AGBL1: variants seen among roughly 807,000 people sequenced by gnomAD.
AGBL1 encodes the protein AGBL carboxypeptidase 1.
In AGBL1, 130 loss-of-function variants were observed where a neutral mutation model predicts 118.9. The ratio of observed to expected loss-of-function variants is 1.09; its 90% CI spans 0.95 to 1.26. AGBL1 has a LOEUF of 1.26. Among genes scored for constraint, AGBL1 ranks in the 50% most tolerant of loss-of-function variants. The pLI is 0.00. For synonymous variants in AGBL1, 555 were observed against 478.9 expected, an observed-to-expected ratio of 1.16 and a Z score of -2.08; for missense variants, 1,584 against 1,298.1, an observed-to-expected ratio of 1.22 and a Z score of -3.38.
chr15:86,986,595 CAT>C (rs2141732377), intron 23 of AGBL1, among the ~76,000 whole-genome samples: 1 of 152,060 alleles, frequency 6.6e-6, no homozygotes, highest in South Asian at 2.1e-4. Context: ...GTAGAGGAGT[CAT>C]ATATCTGGTG....
intron 21 of AGBL1, among the ~76,000 whole-genome samples, chr15:86,643,143 A>G (rs1373181630): frequency 6.6e-6 from 1 of 152,198 alleles, no homozygotes; most frequent in Non-Finnish European, 1.5e-5. Flanking sequence ...TTGTTCATAA[A>G]GAGAAAGATG....
intron 22 of AGBL1, among the ~76,000 whole-genome samples, chr15:86,802,212 AT>A (rs1331225456): frequency 2.0e-5 from 3 of 151,998 alleles, no homozygotes; most frequent in Admixed American, 6.6e-5. Context: ...TTTGAATTAT[AT>A]TTTTTTAGAC....
intron 22 of AGBL1, among the ~76,000 whole-genome samples, chr15:86,904,615 T>C (rs1376058054): frequency 6.7e-6 from 1 of 148,458 alleles, no homozygotes; most frequent in African/African-American, 2.4e-5. Flanking sequence ...ATTTGTAGTA[T>C]CTATTATATT....
chr15:86,924,526 T>C (rs1213009671), intron 23 of AGBL1, among the ~76,000 whole-genome samples: 1 of 152,178 alleles, frequency 6.6e-6, no homozygotes, highest in Non-Finnish European at 1.5e-5. Context: ...ATGTGGAGGG[T>C]GCTCAGCAGG....
chr15:86,508,393 A>C (rs2142172776), intron 18 of AGBL1, among the ~76,000 whole-genome samples: 1 of 152,266 alleles, frequency 6.6e-6, no homozygotes, highest in African/African-American at 2.4e-5. Context: ...ACAAAAAAGA[A>C]GGGATTAGAA....
chr15:86,137,227 G>A (rs1030160776), intron 1 of AGBL1, among the ~76,000 whole-genome samples: 4 of 152,148 alleles, frequency 2.6e-5, no homozygotes, highest in East Asian at 1.9e-4. Context: ...CTGGCTCAGC[G>A]CTAAGTGAGG....
intron 5 of AGBL1, among the ~76,000 whole-genome samples, chr15:86,194,996 A>G (rs1353385327): frequency 5.9e-5 from 9 of 152,162 alleles, no homozygotes; most frequent in Non-Finnish European, 7.4e-5. Flanking sequence ...TCATTCTTTT[A>G]TTATAGTCAC....
intron 18 of AGBL1, among the ~76,000 whole-genome samples, chr15:86,494,025 T>A (rs563161412): frequency 3.3e-5 from 5 of 152,202 alleles, no homozygotes; most frequent in East Asian, 3.9e-4. Context: ...GCAGGCATAC[T>A]GGTTCTTCCT....
At chr15:86,326,180 C>CTT (rs879314310) in intron 17 of AGBL1, among the ~76,000 whole-genome samples, 1 of 148,656 alleles carries the variant, frequency 6.7e-6, no homozygotes, top group East Asian at 2.0e-4. Flanking sequence ...TTACAGTGAG[C>CTT]TTTTTTTTTT....
At chr15:86,865,358 G>A (rs893760108) in intron 22 of AGBL1, among the ~76,000 whole-genome samples, 5 of 152,134 alleles carry the variant, frequency 3.3e-5, no homozygotes, top group African/African-American at 9.7e-5. Flanking sequence ...AAAGCCCCAC[G>A]TTTTGTATTC....
chr15:87,004,298 C>T (rs539679032), intron 24 of AGBL1, among the ~76,000 whole-genome samples: 3 of 124,554 alleles, frequency 2.4e-5, no homozygotes, highest in African/African-American at 1.2e-4. Flanking sequence ...TGTTAGACTC[C>T]CACACAATTA....
rs1228570096 is a variant in AGBL1 at position 86,776,427 on chromosome 15, T to C, written c.3158+101991T>C. 2.6e-5 allele frequency among the ~76,000 whole-genome samples: 4 copies of C among 152,096 alleles called. No homozygotes were observed. The East Asian group carries it at 7.7e-4, about 29-fold the overall frequency. ...GTGAGGTTGAGCTCAACCCCTCATA[T>C]TTTATTTATTTGTGTTTCTTCCACT... On this transcript the variant is annotated intron_variant, in intron 22 of 22. Coordinates refer to ENST00000614907, the MANE Select transcript of AGBL1 (RefSeq NM_001386094.1).
chr15:86,248,257 C>G (rs1226159874), intron 7 of AGBL1, among the ~76,000 whole-genome samples: 2 of 152,184 alleles, frequency 1.3e-5, no homozygotes, highest in Non-Finnish European at 2.9e-5. Flanking sequence ...GCAGATGTTG[C>G]AGTGAGCCGA....
chr15:86,857,430 T>G lies in AGBL1; in HGVS notation c.3159-49657T>G, dbSNP rs192447483. On this transcript the variant is annotated intron_variant, in intron 22 of 22. Coordinates refer to ENST00000614907, the MANE Select transcript of AGBL1 (RefSeq NM_001386094.1). ...CATCCATGCCTCCTTGCTCCAGCCA[T>G]GTGGCCTTCTTTCATCTGTTTTCAC... 6.4e-4 allele frequency among the ~76,000 whole-genome samples: 97 copies of G among 152,312 alleles called. 3 individuals carry two copies. In the South Asian group the frequency reaches 0.02, roughly 31 times the overall value.
chr15:86,638,170 G>T (rs941348905), intron 21 of AGBL1, among the ~76,000 whole-genome samples: 3 of 152,168 alleles, frequency 2.0e-5, no homozygotes, highest in Non-Finnish European at 4.4e-5. Context: ...TCTTAAAGGT[G>T]CTATTCAAGA....
intron 23 of AGBL1, among the ~76,000 whole-genome samples, chr15:86,974,418 A>G (rs1486657502): frequency 7.5e-5 from 9 of 120,454 alleles, no homozygotes; most frequent in African/African-American, 2.3e-4. Flanking sequence ...AAATATAAAC[A>G]TATTTTATAT....
At chr15:86,348,091 C>G (rs1249411500) in intron 17 of AGBL1, among the ~76,000 whole-genome samples, 1 of 152,162 alleles carries the variant, frequency 6.6e-6, no homozygotes, top group East Asian at 1.9e-4. Context: ...CACCTCCCAG[C>G]TGGAATCTGA....
At chr15:86,289,553 T>A (rs142909080) in intron 16 of AGBL1, among the ~76,000 whole-genome samples, 1 of 152,200 alleles carries the variant, frequency 6.6e-6, no homozygotes, top group African/African-American at 2.4e-5. Context: ...GAAAACTGAG[T>A]CATAAAGAGG....
At chr15:86,117,997 A>G (rs1163777786) in intron 1 of AGBL1, among the ~76,000 whole-genome samples, 2 of 152,224 alleles carry the variant, frequency 1.3e-5, no homozygotes, top group African/African-American at 4.8e-5. Flanking sequence ...TGATTTGAAA[A>G]GTCTCTGCTT....
Sources: allele counts gnomAD v4.1 joint callset (sites outside exome capture counted in the v4.1 genomes callset), GRCh38; gene constraint gnomAD v4.1.1; transcripts MANE v1.5; gene names NCBI Gene and HGNC (gene_info 2026-07-23, HGNC 2026-07-21).